Variants in CHMP7 observed in about 807,000 individuals in gnomAD.
CHMP7 encodes the protein charged multivesicular body protein 7, also known as CHMP family, member 7.
In CHMP7, 15 loss-of-function variants were observed where a neutral mutation model predicts 53.7. That is an observed-to-expected ratio of 0.28 (90% confidence interval 0.19 to 0.43). CHMP7 has a LOEUF of 0.43. CHMP7 is among the 20% of genes least tolerant of loss of function. The pLI, the probability that CHMP7 is intolerant of heterozygous loss-of-function variation, is 1.00. For missense variants in CHMP7, 527 were observed against 569.4 expected (o/e 0.93, Z 0.76); for synonymous variants, 261 against 228.0 (o/e 1.14, Z -1.30).
At chr8:23,260,089 A>G (rs1222441172) in intron 9 of CHMP7, 55 bp from the exon 10 acceptor site, 1 of 1,472,680 alleles carries the variant, frequency 6.8e-7, no homozygotes, top group Non-Finnish European at 9.5e-7. Context: ...TCCTGTACTC[A>G]TTAATGCATT....
intron 3 of CHMP7, among the ~76,000 whole-genome samples, chr8:23,249,602 AAC>A (rs1477904845): frequency 6.6e-6 from 1 of 152,174 alleles, no homozygotes; most frequent in Non-Finnish European, 1.5e-5. Flanking sequence ...ATTTTCAGTT[AAC>A]AGTGGATTAT....
intron 1 of CHMP7, among the ~76,000 whole-genome samples, chr8:23,244,664 A>T (rs373810589): frequency 1.9e-4 from 29 of 152,314 alleles, no homozygotes; most frequent in African/African-American, 6.7e-4. Context: ...GTTTGTTGAT[A>T]TCCACAAAAT....
intron 4 of CHMP7, among the ~76,000 whole-genome samples, chr8:23,255,840 C>CA (rs374137121): frequency 5.3e-5 from 8 of 150,170 alleles, no homozygotes; most frequent in African/African-American, 1.7e-4. Flanking sequence ...GAGCTCACTG[C>CA]AGCCTCCGCC....
rs150480112 is a variant in CHMP7, at chr8:23,252,117, C to T, written c.471+2736C>T. On this transcript the variant is annotated intron_variant, in intron 3 of 10. Transcript: ENST00000397677. ...CTGTTTGTGAATTGAGCATTTTTTT[C>T]ACCTATGTACTAGCCATTTACATAT... is the stretch of plus-strand genomic sequence containing the variant. Among the ~76,000 whole-genome samples the T allele has an allele frequency of 1.1e-3, 170 of 149,162 alleles. 1 individual carries two copies. Among genetic ancestry groups the T allele is most frequent in the African/African-American group, 4.1e-3 (167 of 40,974 alleles).
At chr8:23,259,473 G>A (rs1802295050) in intron 9 of CHMP7, among the ~76,000 whole-genome samples, 1 of 151,872 alleles carries the variant, frequency 6.6e-6, no homozygotes, top group Admixed American at 6.6e-5. Context: ...TGATTCTCCT[G>A]CCTCAGCCTC....
rs1034398828 is a variant in CHMP7 at position 23,258,408 on chromosome 8, G to A, written c.919G>A (p.Gly307Ser). 6.2e-7 allele frequency: 1 copy of A among 1,614,112 alleles called. No individual in the cohort carries two copies. Among genetic ancestry groups the A allele is most frequent in the Non-Finnish European group, 8.5e-7 (1 of 1,180,042 alleles). The change falls in exon 7 of 11, where the codon GGC becomes AGC. Residue 307 changes from glycine to serine, a missense_variant. Gly to Ser is a moderately conservative substitution (Grantham distance 56, BLOSUM62 0). Transcript: ENST00000397677. ...GCATGCCAAGCTGGACACTGTTCAAGGCATCCTGGACCGGATCTATGCCTC... is the reference window on the plus strand; with the variant it reads ...GCATGCCAAGCTGGACACTGTTCAAAGCATCCTGGACCGGATCTATGCCTC... The part of the protein sequence containing the change: ...ALHAKLDTVQ[G>S]ILDRIYASQT...
At chr8:23,257,660 C>T (rs1032281354) in intron 5 of CHMP7, among the ~76,000 whole-genome samples, 7 of 152,344 alleles carry the variant, frequency 4.6e-5, no homozygotes, top group African/African-American at 1.7e-4. Flanking sequence ...ACATTGAAGT[C>T]TGTCTTCCAG....
At chr8:23,258,287 G>A in intron 6 of CHMP7, 43 bp from the exon 7 acceptor site, 1 of 1,613,408 alleles carries the variant, frequency 6.2e-7, no homozygotes. Flanking sequence ...CTTGCCCTTT[G>A]GCTCGCCCAG....
chr8:23,256,056 G>A (rs1277117645), intron 4 of CHMP7, among the ~76,000 whole-genome samples: 1 of 152,056 alleles, frequency 6.6e-6, no homozygotes, highest in Non-Finnish European at 1.5e-5. Flanking sequence ...CACCGTGCCT[G>A]GCCTATTATA....
Position 23,255,348 on chromosome 8 carries a change from C to G in CHMP7, c.573C>G (p.Cys191Trp), listed in dbSNP as rs554721092. ...TCAGCACCCTCTGTGCTAACTCCTG[C>G]CCAGATGAGAGGACCTTCTACTTGG... is the stretch of plus-strand genomic sequence containing the variant. ...SELSTLCANS[C>W]PDERTFYLVL... Residue 191 changes from cysteine to tryptophan, a missense_variant, in exon 4 of 11, where the codon TGC becomes TGG. Coordinates refer to ENST00000397677, the MANE Select transcript of CHMP7 (RefSeq NM_152272.5). The G allele has an allele frequency of 1.4e-5, 23 of 1,614,166 alleles. No homozygotes were observed. The Admixed American group carries it at 2.8e-4, about 20-fold the overall frequency.
intron 3 of CHMP7, 69 bp from the exon 4 acceptor site, chr8:23,255,178 T>C (rs779087337): frequency 9.8e-6 from 15 of 1,529,696 alleles, no homozygotes; most frequent in Middle Eastern, 2.0e-4. Flanking sequence ...GTTTTGAAAC[T>C]CAGGGTCAGG....
chr8:23,246,477 T>C lies in CHMP7; in HGVS notation c.-219T>C. ...AGGAGGGGTCGGCGCAAGCGCTCGG[T>C]GTCTCTCTGAAAAGAACTTCATCAT... On this transcript the variant is annotated 5_prime_UTR_variant, in exon 2 of 11. Coordinates refer to ENST00000397677, the MANE Select transcript of CHMP7 (RefSeq NM_152272.5). The C allele has an allele frequency of 1.8e-6, 1 of 561,978 alleles. No individual in the cohort carries two copies. The highest frequency in any genetic ancestry group is 3.1e-6 in the Non-Finnish European group (1 of 318,338). The allele number at this position is 561,978 out of a possible 1,614,324, so 34.8% of individuals were successfully genotyped here. A position where few individuals can be genotyped will look rare whatever the true frequency, so the allele number is the denominator to read the frequency against.
At chr8:23,260,414 G>T in intron 10 of CHMP7, 91 bp downstream of exon 10, 1 of 1,543,372 alleles carries the variant, frequency 6.5e-7, no homozygotes, top group Non-Finnish European at 8.9e-7. Context: ...CCATTTGCCA[G>T]AGTACCAGAG....
At chr8:23,256,878 C>T (rs537939840) in intron 5 of CHMP7, among the ~76,000 whole-genome samples, 152 of 149,944 alleles carry the variant, frequency 1.0e-3, no homozygotes, top group African/African-American at 3.4e-3. Flanking sequence ...CTGCAAGCTC[C>T]GCCTCCTGGG....
Position 23,260,735 on chromosome 8 carries a change from C to A in CHMP7, c.*136C>A. The A allele has an allele frequency of 1.4e-6, 1 of 720,852 alleles. No homozygotes were observed. 44.7% of individuals were successfully genotyped at this position (720,852 alleles called of 1,614,324 possible). On this transcript the variant is annotated 3_prime_UTR_variant, in exon 11 of 11. Coordinates refer to ENST00000397677, the MANE Select transcript of CHMP7 (RefSeq NM_152272.5). ...AACCACTGATTTTATCTGGATGCTA[C>A]TACTTACTACAGGACAGATAGAATT...
At chr8:23,247,194 G>A (rs1001206264) in intron 2 of CHMP7, among the ~76,000 whole-genome samples, 200 bp downstream of exon 2, 1 of 152,090 alleles carries the variant, frequency 6.6e-6, no homozygotes, top group Non-Finnish European at 1.5e-5. Flanking sequence ...GAGGAAGAGG[G>A]GATCTGGGGG....
chr8:23,251,924 T>G (rs1388076179), intron 3 of CHMP7, among the ~76,000 whole-genome samples: 1 of 152,234 alleles, frequency 6.6e-6, no homozygotes, highest in Admixed American at 6.5e-5. Flanking sequence ...ATATGTGCCT[T>G]TTCAATTTTA....
chr8:23,258,230 G>T, intron 6 of CHMP7, 100 bp from the exon 7 acceptor site: 1 of 1,541,718 alleles, frequency 6.5e-7, no homozygotes, highest in South Asian at 1.1e-5. Context: ...CAGATGGGAG[G>T]GAAGAAAGCT....
chr8:23,246,582 G>A lies in CHMP7; in HGVS notation c.-114G>A. Reference sequence around the variant, plus strand: ...GAACTTATTTCACGCTCAGGGCGGCGGTGACGTGTGAACGAGAAGGAGGTG... The same window carrying A: ...GAACTTATTTCACGCTCAGGGCGGCAGTGACGTGTGAACGAGAAGGAGGTG... On this transcript the variant is annotated 5_prime_UTR_variant, in exon 2 of 11. Coordinates refer to ENST00000397677, the MANE Select transcript of CHMP7 (RefSeq NM_152272.5). The A allele has an allele frequency of 1.2e-6, 1 of 835,076 alleles. No individual in the cohort carries two copies. The highest frequency in any genetic ancestry group is 1.8e-6 in the Non-Finnish European group (1 of 544,186). The allele number at this position is 835,076 out of a possible 1,614,324, so 51.7% of individuals were successfully genotyped here. A position where few individuals can be genotyped will look rare whatever the true frequency, so the allele number is the denominator to read the frequency against.
Sources: gnomAD v4.1 joint callset for allele counts (sites outside exome capture counted in the v4.1 genomes callset) on GRCh38, gnomAD v4.1.1 for gene constraint, MANE v1.5 for transcripts, NCBI Gene and HGNC (gene_info 2026-07-23, HGNC 2026-07-21) for gene names.